Variants in FBN1 observed in about 807,000 individuals in gnomAD.
FBN1 encodes fibrillin 1, also known as fibrillin-1.
Under a neutral mutation model 365.1 loss-of-function variants are expected in FBN1, and 29 were observed. That is an observed-to-expected ratio of 0.08 (90% CI 0.06 to 0.11). FBN1 has a LOEUF of 0.11. Among genes scored for constraint, FBN1 ranks in the 10% least tolerant of loss-of-function variants. The pLI, the probability that FBN1 is intolerant of heterozygous loss-of-function variation, is 1.00. For missense variants in FBN1, 2,476 were observed against 3,703.2 expected, an observed-to-expected ratio of 0.67 and a Z score of 8.60; for synonymous variants, 1,210 against 1,270.5, an observed-to-expected ratio of 0.95 and a Z score of 1.01.
chr15:48,448,309 G>A (rs1366985131), intron 46 of FBN1, among the ~76,000 whole-genome samples: 1 of 152,100 alleles, frequency 6.6e-6, no homozygotes, highest in East Asian at 1.9e-4. Flanking sequence ...TCAGGAAAGA[G>A]ATTTAAAATC....
At chr15:48,458,297 T>C (rs1315863453) in intron 43 of FBN1, among the ~76,000 whole-genome samples, 2 of 152,158 alleles carry the variant, frequency 1.3e-5, no homozygotes, top group African/African-American at 4.8e-5. Context: ...AAGGAGAAAT[T>C]TGATGTCATA....
intron 45 of FBN1, 79 bp from the exon 46 acceptor site, chr15:48,448,972 A>C: frequency 8.1e-7 from 1 of 1,232,120 alleles, no homozygotes; most frequent in Non-Finnish European, 1.2e-6. Context: ...TATCATTCTC[A>C]GGAGTAATCC....
At chr15:48,572,231 A>G (rs2044311437) in intron 6 of FBN1, among the ~76,000 whole-genome samples, 1 of 152,204 alleles carries the variant, frequency 6.6e-6, no homozygotes, top group Non-Finnish European at 1.5e-5. Context: ...TCGAAATGTT[A>G]AAAGGTCTTT....
At chr15:48,418,813 T>C (rs1345906720) in intron 63 of FBN1, among the ~76,000 whole-genome samples, 1 of 152,208 alleles carries the variant, frequency 6.6e-6, no homozygotes, top group East Asian at 1.9e-4. Flanking sequence ...ATCAAAGGTT[T>C]CAGCATCCAG....
At chr15:48,415,915 C>A in intron 63 of FBN1, 148 bp from the exon 64 acceptor site, 1 of 710,418 alleles carries the variant, frequency 1.4e-6, no homozygotes. Context: ...GTGGGGAGAG[C>A]AACAGCAGAG....
chr15:48,490,558 A>G (rs1373696317), intron 24 of FBN1, among the ~76,000 whole-genome samples: 2 of 152,244 alleles, frequency 1.3e-5, no homozygotes, highest in African/African-American at 4.8e-5. Flanking sequence ...GAACTCTGGA[A>G]AGAGGACTGC....
At chr15:48,490,138 G>A (rs1185326665) in intron 24 of FBN1, 60 bp from the exon 25 acceptor site, 2 of 1,386,190 alleles carry the variant, frequency 1.4e-6, no homozygotes, top group East Asian at 4.6e-5. Context: ...GCCCCAAACT[G>A]CCAACACTCT....
At chr15:48,454,029 C>T (rs760674782) in intron 44 of FBN1, among the ~76,000 whole-genome samples, 2 of 152,138 alleles carry the variant, frequency 1.3e-5, no homozygotes, top group African/African-American at 2.4e-5. Context: ...CCTAGGAAGC[C>T]TTGTATTTAC....
chr15:48,570,004 A>C (rs1429568482), intron 6 of FBN1, among the ~76,000 whole-genome samples: 2 of 152,192 alleles, frequency 1.3e-5, no homozygotes, highest in African/African-American at 4.8e-5. Flanking sequence ...ATCAATTCAC[A>C]AACCAATTCT....
intron 44 of FBN1, among the ~76,000 whole-genome samples, chr15:48,453,304 A>AC (rs2043216053): frequency 7.3e-6 from 1 of 137,256 alleles, no homozygotes; most frequent in East Asian, 2.2e-4. Context: ...CAAAAAAAAA[A>AC]CACACACAAA....
intron 9 of FBN1, among the ~76,000 whole-genome samples, chr15:48,524,967 G>A (rs1460515164): frequency 6.6e-6 from 1 of 152,182 alleles, no homozygotes; most frequent in Non-Finnish European, 1.5e-5. Context: ...TCCTCATGTA[G>A]TTTGAAGCTC....
chr15:48,497,061 C>G (rs1258594403), intron 19 of FBN1, among the ~76,000 whole-genome samples: 2 of 152,136 alleles, frequency 1.3e-5, no homozygotes, highest in East Asian at 3.8e-4. Context: ...AGGAGTGAAT[C>G]TGATACATCG....
intron 50 of FBN1, 150 bp from the exon 51 acceptor site, chr15:48,438,067 T>C: frequency 1.2e-6 from 1 of 845,172 alleles, no homozygotes; most frequent in Non-Finnish European, 2.0e-6. Context: ...GTAACTGAGC[T>C]GAGATTGTTA....
chr15:48,472,709 C>T (rs1457445629), intron 34 of FBN1, 33 bp from the exon 35 acceptor site: 2 of 1,614,116 alleles, frequency 1.2e-6, no homozygotes, highest in Admixed American at 3.3e-5. Flanking sequence ...GTTACTCTTC[C>T]TCGGTTAGGG....
Position 48,497,321 on chromosome 15 carries a change from A to G in FBN1, c.2238T>C (p.Tyr746=). Residue 746 remains tyrosine (Y), a synonymous_variant, in exon 19 of 66, where the codon TAT becomes TAC. Transcript: ENST00000316623. ...CATATCCTGAATTGCATATACATTT[A>G]TAGGTCCCACGAAGGTTTTCACAGA... ...NGICENLRGT[Y]KCICNSGYEV... 6.2e-7 allele frequency: 1 copy of G among 1,614,048 alleles called. No homozygotes were observed. Among genetic ancestry groups the G allele is most frequent in the Non-Finnish European group, 8.5e-7 (1 of 1,179,912 alleles).
chr15:48,572,371 G>A (rs1191229183), intron 6 of FBN1, among the ~76,000 whole-genome samples: 1 of 152,004 alleles, frequency 6.6e-6, no homozygotes, highest in Non-Finnish European at 1.5e-5. Context: ...GGGGCAAGAG[G>A]AGGTCAGAAA....
intron 8 of FBN1, among the ~76,000 whole-genome samples, chr15:48,533,223 G>T (rs1372313157): frequency 6.6e-6 from 1 of 152,188 alleles, no homozygotes; most frequent in Non-Finnish European, 1.5e-5. Context: ...AAACCTCAAG[G>T]TGGGGTGAGT....
intron 6 of FBN1, among the ~76,000 whole-genome samples, chr15:48,570,525 G>A (rs925052601): frequency 2.0e-5 from 3 of 151,350 alleles, no homozygotes; most frequent in Non-Finnish European, 2.9e-5. Context: ...CAGAACCTTA[G>A]GGTGAGAAGA....
chr15:48,560,989 C>T (rs374398782), intron 6 of FBN1, among the ~76,000 whole-genome samples: 1 of 152,256 alleles, frequency 6.6e-6, no homozygotes, highest in East Asian at 1.9e-4. Context: ...GTAATGTATT[C>T]AGAAATCGTC....
Sources: allele counts gnomAD v4.1 joint callset (sites outside exome capture counted in the v4.1 genomes callset), GRCh38; gene constraint gnomAD v4.1.1; transcripts MANE v1.5; gene names NCBI Gene and HGNC (gene_info 2026-07-23, HGNC 2026-07-21).